Variants in CAMKMT observed in about 807,000 individuals in gnomAD.
CAMKMT encodes the protein calmodulin-lysine N-methyltransferase.
Under a neutral mutation model 48.0 loss-of-function variants are expected in CAMKMT, and 53 were observed. The observed-to-expected ratio is 1.10, with a 90% CI of 0.89 to 1.39. The LOEUF (loss-of-function observed/expected upper bound fraction) is 1.39, where lower values mean the gene tolerates loss of function less well. Ranked by LOEUF, CAMKMT falls within the 40% of genes most tolerant of loss-of-function variation. CAMKMT has a pLI of 0.00. For synonymous variants in CAMKMT, 165 were observed against 152.3 expected (o/e 1.08, Z -0.61); for missense variants, 428 against 402.7 (o/e 1.06, Z -0.54).
At chr2:44,711,999 T>C (rs1262714623) in intron 6 of CAMKMT, among the ~76,000 whole-genome samples, 1 of 152,146 alleles carries the variant, frequency 6.6e-6, no homozygotes, top group African/African-American at 2.4e-5. Flanking sequence ...ATCTTGCATT[T>C]CCTTACATGC....
At position 44,363,776 on chromosome 2, in the gene CAMKMT, G is replaced by C. The variant is rs13390878; in HGVS notation, c.138+1631G>C. Among the ~76,000 whole-genome samples, 703 of 142,526 alleles carry C rather than the reference G, an allele frequency of 4.9e-3. 2 individuals carry two copies. Among genetic ancestry groups the C allele is most frequent in the African/African-American group, 0.017 (667 of 38,160 alleles). The allele number at this position is 142,526 out of a possible 152,430, so 93.5% of individuals were successfully genotyped here. A position where few individuals can be genotyped will look rare whatever the true frequency, so the allele number is the denominator to read the frequency against. On this transcript the variant is annotated intron_variant, in intron 1 of 10. Transcript: ENST00000378494. ...GCAATCTCGGCTCACTGCAGCCTCC[G>C]CCTCCCTGGTTCAAGCAATTCTCCC...
At chr2:44,437,306 T>G (rs1028089442) in intron 3 of CAMKMT, among the ~76,000 whole-genome samples, 15 of 152,166 alleles carry the variant, frequency 9.9e-5, no homozygotes, top group Non-Finnish European at 1.9e-4. Flanking sequence ...AACTCCTTAA[T>G]TCATTAACCA....
At chr2:44,672,738 A>G (rs763178539) in intron 3 of CAMKMT, among the ~76,000 whole-genome samples, 1 of 152,156 alleles carries the variant, frequency 6.6e-6, no homozygotes, top group Non-Finnish European at 1.5e-5. Flanking sequence ...GTACATTTCT[A>G]GTTTTGTCTT....
At chr2:44,551,079 A>G (rs1183699133) in intron 3 of CAMKMT, among the ~76,000 whole-genome samples, 4 of 152,148 alleles carry the variant, frequency 2.6e-5, no homozygotes, top group Admixed American at 2.6e-4. Flanking sequence ...ACATAATTCC[A>G]GGTGGTGTTC....
chr2:44,724,440 C>T (rs1478484219), intron 7 of CAMKMT, among the ~76,000 whole-genome samples: 1 of 152,156 alleles, frequency 6.6e-6, no homozygotes, highest in Non-Finnish European at 1.5e-5. Flanking sequence ...GAAGCAAACT[C>T]CATAGAGTTG....
rs188212510 is a variant in CAMKMT, at chr2:44,620,618, A to G, written c.377-83665A>G. 3.7e-3 allele frequency among the ~76,000 whole-genome samples: 567 copies of G among 152,346 alleles called. 2 individuals carry two copies. Among genetic ancestry groups the G allele is most frequent in the African/African-American group, 0.013 (548 of 41,574 alleles). Reference sequence around the variant, plus strand: ...AATTCCTCAACTTGGCCTCTAGCCAATTTCATCAGGCATCATAGATGACTT... The same window carrying G: ...AATTCCTCAACTTGGCCTCTAGCCAGTTTCATCAGGCATCATAGATGACTT... On this transcript the variant is annotated intron_variant, in intron 3 of 10. Transcript: ENST00000378494.
intron 3 of CAMKMT, among the ~76,000 whole-genome samples, chr2:44,530,590 C>T (rs1045679285): frequency 1.3e-5 from 2 of 152,076 alleles, no homozygotes; most frequent in African/African-American, 2.4e-5. Context: ...TTTTCCCAAT[C>T]GGGTACTTTT....
At chr2:44,560,046 T>A (rs1271775054) in intron 3 of CAMKMT, among the ~76,000 whole-genome samples, 2 of 152,224 alleles carry the variant, frequency 1.3e-5, no homozygotes, top group Non-Finnish European at 2.9e-5. Flanking sequence ...ACTAGCCCTC[T>A]TGCTTTGGCT....
chr2:44,597,070 C>T (rs1310013186), intron 3 of CAMKMT, among the ~76,000 whole-genome samples: 1 of 152,118 alleles, frequency 6.6e-6, no homozygotes. Context: ...GTTGATTATG[C>T]AGTGTAGTTT....
intron 3 of CAMKMT, among the ~76,000 whole-genome samples, chr2:44,413,791 G>A (rs1024714666): frequency 2.0e-5 from 3 of 152,154 alleles, no homozygotes; most frequent in African/African-American, 7.2e-5. Flanking sequence ...GCAAAATGAA[G>A]ATGATGCTTT....
intron 3 of CAMKMT, among the ~76,000 whole-genome samples, chr2:44,532,845 C>T (rs112905102): frequency 0.074 from 11,178 of 150,310 alleles, 458 homozygotes; most frequent in South Asian, 0.11. Flanking sequence ...GACAGAGTCT[C>T]GCTGTCACCC....
At chr2:44,599,351 A>G (rs1031694914) in intron 3 of CAMKMT, among the ~76,000 whole-genome samples, 18 of 152,064 alleles carry the variant, frequency 1.2e-4, no homozygotes, top group African/African-American at 4.4e-4. Context: ...ATTGTACAAT[A>G]TTTTCTTCTG....
chr2:44,459,999 G>A (rs1667768916), intron 3 of CAMKMT, among the ~76,000 whole-genome samples: 2 of 152,182 alleles, frequency 1.3e-5, no homozygotes, highest in Admixed American at 6.5e-5. Flanking sequence ...TTAAGCTCTG[G>A]AAGCTGAGTC....
intron 8 of CAMKMT, among the ~76,000 whole-genome samples, chr2:44,745,584 T>C (rs1679882661): frequency 6.6e-6 from 1 of 152,116 alleles, no homozygotes; most frequent in African/African-American, 2.4e-5. Context: ...ATTTATGGCT[T>C]CAAATGAACT....
chr2:44,516,224 AAATT>A (rs1670826326), intron 3 of CAMKMT, among the ~76,000 whole-genome samples: 1 of 152,224 alleles, frequency 6.6e-6, no homozygotes, highest in South Asian at 2.1e-4. Flanking sequence ...TGCAGTAAAT[AAATT>A]AAGTACCTTT....
intron 3 of CAMKMT, among the ~76,000 whole-genome samples, chr2:44,431,758 G>C (rs559427000): frequency 1.3e-5 from 2 of 152,250 alleles, no homozygotes; most frequent in Admixed American, 6.5e-5. Flanking sequence ...TGTGCTGTCG[G>C]GTTAGGCCTT....
At chr2:44,373,128 A>G (rs997533942) in intron 2 of CAMKMT, among the ~76,000 whole-genome samples, 1 of 152,222 alleles carries the variant, frequency 6.6e-6, no homozygotes, top group Non-Finnish European at 1.5e-5. Flanking sequence ...GTGGTTGCAA[A>G]TCAAAGGGTT....
chr2:44,402,308 G>GCTGTCAAAA (rs376947814), intron 3 of CAMKMT, among the ~76,000 whole-genome samples: 2 of 139,810 alleles, frequency 1.4e-5, no homozygotes, highest in Non-Finnish European at 3.0e-5. Flanking sequence ...CAGCTTGGGT[G>GCTGTCAAAA]ACACAGCAAG....
chr2:44,670,071 TC>T (rs1675241122), intron 3 of CAMKMT, among the ~76,000 whole-genome samples: 1 of 152,220 alleles, frequency 6.6e-6, no homozygotes, highest in African/African-American at 2.4e-5. Context: ...TAATTGTCTT[TC>T]CCTTATTGAT....
Sources: allele counts gnomAD v4.1 joint callset (sites outside exome capture counted in the v4.1 genomes callset), GRCh38; gene constraint gnomAD v4.1.1; transcripts MANE v1.5; gene names NCBI Gene and HGNC (gene_info 2026-07-23, HGNC 2026-07-21).